The following CTNNA3 variants were observed in gnomAD, a reference collection of about 807,000 sequenced individuals.
CTNNA3 encodes catenin alpha 3.
In CTNNA3, 76 loss-of-function variants were observed where a neutral mutation model predicts 95.7. The observed-to-expected ratio is 0.79, with a 90% CI of 0.66 to 0.96. CTNNA3 has a LOEUF of 0.96. Ranked by LOEUF, CTNNA3 falls within the 40% of genes least tolerant of loss-of-function variation. The probability of loss-of-function intolerance (pLI) is 0.00; values close to 1 mark genes in which losing one functional copy is unlikely to be tolerated. For missense variants in CTNNA3, 1,191 were observed against 1,089.8 expected (o/e 1.09, Z -1.31); for synonymous variants, 431 against 374.4 (o/e 1.15, Z -1.74).
intron 7 of CTNNA3, among the ~76,000 whole-genome samples, chr10:66,942,499 G>A (rs10822948): frequency 0.59 from 89,924 of 151,398 alleles, 28,272 homozygotes; most frequent in Admixed American, 0.69. Context: ...ATTACTTGAG[G>A]AATTAGTTCC....
intron 10 of CTNNA3, among the ~76,000 whole-genome samples, chr10:66,608,794 T>C (rs377664216): frequency 1.3e-5 from 2 of 152,242 alleles, no homozygotes; most frequent in East Asian, 1.9e-4. Flanking sequence ...TAATTCAAAA[T>C]GGATTAAACA....
intron 10 of CTNNA3, among the ~76,000 whole-genome samples, chr10:66,599,185 G>GCCTT (rs1843829456): frequency 1.3e-5 from 2 of 152,010 alleles, no homozygotes; most frequent in South Asian, 2.1e-4. Context: ...TCAAATATTT[G>GCCTT]CCTTTGAATT....
In CTNNA3 at chr10:67,647,469, A is replaced by C; in HGVS notation, c.45T>G (p.Asp15Glu). The C allele has an allele frequency of 1.2e-6, 2 of 1,613,522 alleles. No homozygotes were observed. The highest frequency in any genetic ancestry group is 3.3e-5 in the Admixed American group (2 of 59,994). Residue 15 changes from aspartate (D) to glutamate (E), a missense_variant, in exon 2 of 18, where the codon GAT becomes GAG. By Grantham distance (45) the Asp-to-Glu change is conservative. Transcript: ENST00000433211. ...TPITLNIDPQ[D>E]LQVQTFTVEK... ...CCACGGTGAATGTTTGGACCTGCAG[A>C]TCCTGAGGATCGATATTCAATGTGA... is the stretch of plus-strand genomic sequence containing the variant.
At chr10:66,916,087 C>T (rs1846480701) in intron 7 of CTNNA3, among the ~76,000 whole-genome samples, 1 of 151,904 alleles carries the variant, frequency 6.6e-6, no homozygotes, top group African/African-American at 2.4e-5. Context: ...AAACAACAAG[C>T]CCTAGATACA....
intron 17 of CTNNA3, 36 bp from the exon 18 acceptor site, chr10:65,920,653 C>G: frequency 6.3e-7 from 1 of 1,592,254 alleles, no homozygotes; most frequent in Non-Finnish European, 8.6e-7. Context: ...GCTATTATTC[C>G]AGGAGGTTTT....
chr10:66,118,614 T>C (rs2082439505), intron 13 of CTNNA3, among the ~76,000 whole-genome samples: 1 of 152,180 alleles, frequency 6.6e-6, no homozygotes, highest in Non-Finnish European at 1.5e-5. Flanking sequence ...GTCAACAATG[T>C]TTTTTCTAAC....
chr10:67,290,091 C>T (rs183168231), intron 5 of CTNNA3, among the ~76,000 whole-genome samples: 2 of 152,288 alleles, frequency 1.3e-5, no homozygotes, highest in East Asian at 3.9e-4. Context: ...CAGATGTGAG[C>T]TACCATGCCT....
chr10:67,182,104 G>C (rs1186329807), intron 6 of CTNNA3, among the ~76,000 whole-genome samples: 1 of 152,130 alleles, frequency 6.6e-6, no homozygotes, highest in Non-Finnish European at 1.5e-5. Context: ...TCGTGAAAAT[G>C]GCCATACTGC....
intron 5 of CTNNA3, among the ~76,000 whole-genome samples, chr10:67,279,138 A>G (rs1256309620): frequency 6.6e-6 from 1 of 152,196 alleles, no homozygotes; most frequent in African/African-American, 2.4e-5. Context: ...AGTGACATTT[A>G]CTGCACCCCA....
At chr10:67,473,478 T>C (rs1430819491) in intron 5 of CTNNA3, among the ~76,000 whole-genome samples, 1 of 152,214 alleles carries the variant, frequency 6.6e-6, no homozygotes, top group African/African-American at 2.4e-5. Context: ...ATGAAACTAA[T>C]AATATTTCAT....
intron 3 of CTNNA3, among the ~76,000 whole-genome samples, chr10:67,542,905 A>G (rs1840726855): frequency 6.6e-6 from 1 of 152,132 alleles, no homozygotes; most frequent in Non-Finnish European, 1.5e-5. Flanking sequence ...TTCCATCTAG[A>G]ATATTAGCAT....
chr10:66,173,982 T>A (rs569738506), intron 13 of CTNNA3, among the ~76,000 whole-genome samples: 1 of 152,104 alleles, frequency 6.6e-6, no homozygotes, highest in Non-Finnish European at 1.5e-5. Context: ...CACTTCAAAA[T>A]CCGTGTCCCT....
intron 1 of CTNNA3, among the ~76,000 whole-genome samples, chr10:67,722,695 G>A (rs1841186379): frequency 6.6e-6 from 1 of 152,098 alleles, no homozygotes. Flanking sequence ...AGTAATTAAT[G>A]CCTATACCAC....
chr10:66,674,437 A>G (rs541871037), intron 9 of CTNNA3, among the ~76,000 whole-genome samples: 3 of 152,046 alleles, frequency 2.0e-5, no homozygotes, highest in South Asian at 4.2e-4. Context: ...GCACTTTCCT[A>G]GCTATTTTAC....
intron 13 of CTNNA3, among the ~76,000 whole-genome samples, chr10:66,276,427 A>G (rs2091400610): frequency 6.6e-6 from 1 of 152,082 alleles, no homozygotes; most frequent in African/African-American, 2.4e-5. Flanking sequence ...CTCTTTTAAA[A>G]TTTCCTCCAT....
At chr10:67,014,452 G>A (rs990497163) in intron 7 of CTNNA3, among the ~76,000 whole-genome samples, 2 of 152,118 alleles carry the variant, frequency 1.3e-5, no homozygotes, top group Admixed American at 6.6e-5. Context: ...CCCAGGTGGT[G>A]CCTGTTTGTA....
At chr10:66,298,002 T>TTG (rs1349940377) in intron 12 of CTNNA3, among the ~76,000 whole-genome samples, 84 of 152,354 alleles carry the variant, frequency 5.5e-4, no homozygotes, top group Non-Finnish European at 1.0e-3. Flanking sequence ...TCCCTATAAC[T>TTG]AGACTCCATA....
chr10:67,606,866 G>A lies in CTNNA3; in HGVS notation c.283C>T (p.Arg95Cys), dbSNP rs746030160. ...DELTASLEEV[R>C]KESEALKVSA... ...GGATTGGAGTACTCACTTTCTTTGC[G>A]AACTTCCTCAAGTGAAGCCGTAAGC... Residue 95 changes from arginine (R) to cysteine (C), a missense_variant, in exon 3 of 18, where the codon CGC (arginine) becomes TGC (cysteine). Transcript: ENST00000433211. The A allele has an allele frequency of 8.1e-6, 13 of 1,612,720 alleles. No individual in the cohort carries two copies. The highest frequency in any genetic ancestry group is 4.5e-5 in the East Asian group (2 of 44,864).
At chr10:66,044,236 C>A (rs1293063525) in intron 15 of CTNNA3, among the ~76,000 whole-genome samples, 2 of 152,184 alleles carry the variant, frequency 1.3e-5, no homozygotes, top group East Asian at 1.9e-4. Context: ...AGGTGATCTA[C>A]CGCCTTGGCC....
Sources: allele counts gnomAD v4.1 joint callset (sites outside exome capture counted in the v4.1 genomes callset), GRCh38; gene constraint gnomAD v4.1.1; transcripts MANE v1.5; gene names NCBI Gene and HGNC (gene_info 2026-07-23, HGNC 2026-07-21).